Variants in LGSN observed in about 807,000 individuals in gnomAD.
LGSN encodes the protein lengsin, lens protein with glutamine synthetase domain, also known as lengsin.
LGSN carries 21 observed loss-of-function variants against 19.5 expected under a neutral mutation model. That is an observed-to-expected ratio of 1.07 (90% CI 0.76 to 1.55). The LOEUF is 1.55. Among genes scored for constraint, LGSN ranks in the 40% most tolerant of loss-of-function variants. The probability of loss-of-function intolerance (pLI) is 0.00; values close to 1 mark genes in which losing one functional copy is unlikely to be tolerated. For synonymous variants in LGSN, 257 were observed against 215.6 expected (o/e 1.19, Z -1.68); for missense variants, 673 against 608.5 (o/e 1.11, Z -1.12).
chr6:63,550,979 T>C, the LGSN span, among the ~76,000 whole-genome samples: 3 of 152,276 alleles, frequency 2.0e-5, no homozygotes, highest in South Asian at 6.2e-4. Flanking sequence ...TAATTGTATA[T>C]ACATGACCAT....
At chr6:63,304,577 A>T (rs1223227282) in intron 1 of LGSN, among the ~76,000 whole-genome samples, 1 of 152,208 alleles carries the variant, frequency 6.6e-6, no homozygotes, top group Non-Finnish European at 1.5e-5. Context: ...CTTAATTAAA[A>T]CATGTAGACT....
chr6:63,328,193 G>A, the LGSN span, among the ~76,000 whole-genome samples: 1 of 152,162 alleles, frequency 6.6e-6, no homozygotes, highest in Admixed American at 6.5e-5. Flanking sequence ...GGCATAACCT[G>A]CCCTTCATAT....
chr6:63,518,154 CAAAAAAAA>C, the LGSN span, among the ~76,000 whole-genome samples: 2 of 62,112 alleles, frequency 3.2e-5, no homozygotes, highest in African/African-American at 9.8e-5. Context: ...ACTCCGTCTC[CAAAAAAAA>C]AAAAAAAAAA....
the LGSN span, among the ~76,000 whole-genome samples, chr6:63,451,132 G>C: frequency 6.6e-6 from 1 of 152,132 alleles, no homozygotes; most frequent in Admixed American, 6.6e-5. Context: ...ATCATACACT[G>C]TTGGTGGGAG....
At chr6:63,356,596 G>A in the LGSN span, among the ~76,000 whole-genome samples, 6 of 151,932 alleles carry the variant, frequency 3.9e-5, no homozygotes, top group Non-Finnish European at 7.4e-5. Context: ...AGAAATAAAA[G>A]TAACAGTCAA....
At chr6:63,331,059 G>A in the LGSN span, among the ~76,000 whole-genome samples, 4 of 152,256 alleles carry the variant, frequency 2.6e-5, no homozygotes, top group Admixed American at 2.0e-4. Flanking sequence ...AGCTTAAAGG[G>A]GACATAACCG....
At chr6:63,572,667 T>C in the LGSN span, 18 of 410,112 alleles carry the variant, frequency 4.4e-5, no homozygotes, top group Non-Finnish European at 7.2e-5. Context: ...CGCCGCCGCC[T>C]CGGGACCGGC....
chr6:63,470,886 T>C, the LGSN span, among the ~76,000 whole-genome samples: 3 of 151,918 alleles, frequency 2.0e-5, no homozygotes, highest in Non-Finnish European at 4.4e-5. Context: ...TCTGAAGTTA[T>C]TGACTCTGAA....
chr6:63,433,854 A>G, the LGSN span, among the ~76,000 whole-genome samples: 1 of 152,244 alleles, frequency 6.6e-6, no homozygotes, highest in Non-Finnish European at 1.5e-5. Context: ...AACAGTTTTA[A>G]GTATTTTGAG....
the LGSN span, chr6:63,395,387 C>T: frequency 6.6e-6 from 1 of 152,184 alleles, no homozygotes; most frequent in Non-Finnish European, 1.5e-5. Flanking sequence ...CCTGGAACTC[C>T]CTTCTAGAAT....
the LGSN span, among the ~76,000 whole-genome samples, chr6:63,409,041 A>C: frequency 6.6e-6 from 1 of 152,066 alleles, no homozygotes; most frequent in African/African-American, 2.4e-5. Flanking sequence ...CTCCCAAGTA[A>C]CTAGGACTGT....
chr6:63,454,506 T>G, the LGSN span, among the ~76,000 whole-genome samples: 2 of 149,184 alleles, frequency 1.3e-5, no homozygotes, highest in Non-Finnish European at 3.0e-5. Context: ...AGAGTCCTGT[T>G]CTGTCACAAG....
chr6:63,432,115 AAG>A, the LGSN span, among the ~76,000 whole-genome samples: 32 of 117,390 alleles, frequency 2.7e-4, no homozygotes, highest in African/African-American at 1.0e-3. Flanking sequence ...GAAAGAAAGA[AAG>A]AAAGAAAGAA....
chr6:63,538,640 A>T, the LGSN span, among the ~76,000 whole-genome samples: 2 of 152,166 alleles, frequency 1.3e-5, no homozygotes, highest in Non-Finnish European at 2.9e-5. Flanking sequence ...GAGATTGCAA[A>T]AGAGATTTTC....
In LGSN at chr6:63,297,254, T is replaced by A. The variant is rs1768009158; in HGVS notation, c.31-2209A>T. 2.0e-5 allele frequency among the ~76,000 whole-genome samples: 3 copies of A among 150,984 alleles called. No homozygotes were observed. The Admixed American group carries it at 2.0e-4, about 10-fold the overall frequency. On this transcript the variant is annotated intron_variant, in intron 1 of 3. Coordinates refer to ENST00000370657, the MANE Select transcript of LGSN (RefSeq NM_016571.3). ...GTTTGGGAGGCTGAGGCAGGAGAAT[T>A]GCTTGAACCCAAGAGGCAGCCGAGG...
chr6:63,306,983 A>G (rs981366742), intron 1 of LGSN, among the ~76,000 whole-genome samples: 5 of 152,222 alleles, frequency 3.3e-5, no homozygotes, highest in Non-Finnish European at 5.9e-5. Context: ...AACTACCGGA[A>G]TGCTGTTCAG....
the LGSN span, chr6:63,572,035 T>A: frequency 6.6e-6 from 1 of 152,324 alleles, no homozygotes; most frequent in Non-Finnish European, 1.5e-5. Flanking sequence ...GTTAAGGCAG[T>A]AGAAAGCAGG....
the LGSN span, among the ~76,000 whole-genome samples, chr6:63,438,889 A>G: frequency 6.6e-6 from 1 of 152,172 alleles, no homozygotes; most frequent in African/African-American, 2.4e-5. Context: ...ATGCTGCTAT[A>G]AAGACACATG....
chr6:63,313,521 G>C (rs1768713228), intron 1 of LGSN, among the ~76,000 whole-genome samples: 1 of 152,148 alleles, frequency 6.6e-6, no homozygotes, highest in South Asian at 2.1e-4. Context: ...CTTTTAGGTA[G>C]AGAAGACTTG....
Sources: allele counts gnomAD v4.1 joint callset (sites outside exome capture counted in the v4.1 genomes callset), GRCh38; gene constraint gnomAD v4.1.1; transcripts MANE v1.5; gene names NCBI Gene and HGNC (gene_info 2026-07-23, HGNC 2026-07-21).